The following KCNIP1 variants were observed in gnomAD, a reference collection of about 807,000 sequenced individuals.
The protein encoded by KCNIP1 is A-type potassium channel modulatory protein KCNIP1.
A neutral mutation model predicts 33.0 loss-of-function variants in KCNIP1; 18 were observed. The ratio of observed to expected loss-of-function variants is 0.55; its 90% confidence interval spans 0.38 to 0.81. The LOEUF (loss-of-function observed/expected upper bound fraction) is 0.81, where lower values mean the gene tolerates loss of function less well. KCNIP1 is among the 30% of genes least tolerant of loss of function. The pLI, the probability that KCNIP1 is intolerant of heterozygous loss-of-function variation, is 0.00. For synonymous variants in KCNIP1, 93 were observed against 98.3 expected (o/e 0.95, Z 0.32); for missense variants, 238 against 271.6 (o/e 0.88, Z 0.87).
chr5:170,712,771 G>A, intron 1 of KCNIP1: 1 of 1,309,788 alleles, frequency 7.6e-7, no homozygotes, highest in Non-Finnish European at 1.1e-6. Flanking sequence ...CACCCTCAGA[G>A]CGGCCTCTCT....
intron 1 of KCNIP1, among the ~76,000 whole-genome samples, chr5:170,644,459 G>T (rs1209281717): frequency 2.0e-5 from 3 of 152,236 alleles, no homozygotes; most frequent in Non-Finnish European, 4.4e-5. Flanking sequence ...CCTGGATTGA[G>T]GGGAGAAGGG....
chr5:170,698,622 T>C (rs530493439), intron 1 of KCNIP1, among the ~76,000 whole-genome samples: 3 of 150,974 alleles, frequency 2.0e-5, no homozygotes, highest in African/African-American at 7.3e-5. Context: ...CCACCCCCAA[T>C]ACTCCCAATT....
chr5:170,735,996 A>G lies in KCNIP1; in HGVS notation c.*190A>G. The G allele has an allele frequency of 1.8e-6, 1 of 565,020 alleles. No homozygotes were observed. The highest frequency in any genetic ancestry group is 3.1e-6 in the Non-Finnish European group (1 of 317,618). 35.0% of individuals were successfully genotyped at this position (565,020 alleles called of 1,614,324 possible). ...CATGTGGCTCAGTCTCTGATTGCCA[A>G]CTCTTCCTCTTTCTTCTTCTTGAGA... On this transcript the variant is annotated 3_prime_UTR_variant, in exon 8 of 8. Coordinates refer to ENST00000328939, the MANE Select transcript of KCNIP1 (RefSeq NM_014592.4).
chr5:170,358,668 C>G (rs1763413754), intron 1 of KCNIP1, among the ~76,000 whole-genome samples: 2 of 152,242 alleles, frequency 1.3e-5, no homozygotes, highest in African/African-American at 2.4e-5. Context: ...ACAGGCAAAT[C>G]CCAACTCTGC....
chr5:170,473,520 G>A (rs10072291), intron 1 of KCNIP1, among the ~76,000 whole-genome samples: 143 of 152,284 alleles, frequency 9.4e-4, no homozygotes, highest in African/African-American at 3.2e-3. Context: ...TCACCCCTGA[G>A]AAATCAGGGA....
intron 1 of KCNIP1, among the ~76,000 whole-genome samples, chr5:170,366,588 A>G (rs1441875231): frequency 6.6e-6 from 1 of 152,246 alleles, no homozygotes; most frequent in African/African-American, 2.4e-5. Flanking sequence ...GAAGGTGGCC[A>G]GTATGTGACT....
intron 1 of KCNIP1, among the ~76,000 whole-genome samples, chr5:170,688,796 G>A (rs1436427958): frequency 6.6e-6 from 1 of 152,138 alleles, no homozygotes; most frequent in African/African-American, 2.4e-5. Context: ...CTAAATTCTG[G>A]GACTATCTGG....
intron 1 of KCNIP1, among the ~76,000 whole-genome samples, chr5:170,431,686 A>G (rs1449715709): frequency 6.6e-6 from 1 of 152,220 alleles, no homozygotes; most frequent in Admixed American, 6.5e-5. Flanking sequence ...GGGCCCTGGA[A>G]GACAGAGGTT....
intron 1 of KCNIP1, among the ~76,000 whole-genome samples, chr5:170,540,374 G>T (rs1365051099): frequency 1.3e-5 from 2 of 152,212 alleles, no homozygotes; most frequent in Non-Finnish European, 2.9e-5. Flanking sequence ...CAGGCTGCTA[G>T]AGCCCAGCAT....
intron 1 of KCNIP1, among the ~76,000 whole-genome samples, chr5:170,433,869 C>A (rs920067492): frequency 6.6e-6 from 1 of 152,172 alleles, no homozygotes; most frequent in Non-Finnish European, 1.5e-5. Flanking sequence ...CACAGCTCAT[C>A]GGGGCAGTGG....
At chr5:170,571,563 A>G (rs1757409291) in intron 1 of KCNIP1, among the ~76,000 whole-genome samples, 2 of 152,178 alleles carry the variant, frequency 1.3e-5, no homozygotes, top group South Asian at 2.1e-4. Context: ...CTTTTCTGCT[A>G]TGACGGCACC....
intron 1 of KCNIP1, among the ~76,000 whole-genome samples, chr5:170,641,862 G>A (rs1421139114): frequency 1.3e-5 from 2 of 152,110 alleles, no homozygotes; most frequent in South Asian, 2.1e-4. Context: ...CCGGGACCTC[G>A]CTAGTCCTGC....
intron 1 of KCNIP1, among the ~76,000 whole-genome samples, chr5:170,450,683 A>G (rs1471426896): frequency 6.6e-6 from 1 of 151,992 alleles, no homozygotes; most frequent in African/African-American, 2.4e-5. Context: ...AGTTGCTCCG[A>G]CCACCTCCGC....
At chr5:170,683,204 G>T (rs987221576) in intron 1 of KCNIP1, among the ~76,000 whole-genome samples, 1 of 152,156 alleles carries the variant, frequency 6.6e-6, no homozygotes, top group Non-Finnish European at 1.5e-5. Context: ...CCTACAATGT[G>T]CCAGGTACAG....
intron 1 of KCNIP1, among the ~76,000 whole-genome samples, chr5:170,595,663 A>C (rs1414741392): frequency 6.6e-6 from 1 of 152,228 alleles, no homozygotes; most frequent in Non-Finnish European, 1.5e-5. Context: ...TAGCTCATTC[A>C]ATCTTTCTAA....
At chr5:170,443,115 T>A (rs1409575630) in intron 1 of KCNIP1, among the ~76,000 whole-genome samples, 5 of 152,084 alleles carry the variant, frequency 3.3e-5, no homozygotes, top group Non-Finnish European at 7.4e-5. Context: ...AAGCAGGGGT[T>A]CCATGGTAGG....
chr5:170,428,680 A>G (rs147829123), intron 1 of KCNIP1, among the ~76,000 whole-genome samples: 2 of 152,104 alleles, frequency 1.3e-5, no homozygotes, highest in Non-Finnish European at 2.9e-5. Context: ...AACCACCTAC[A>G]CTAAAGCCAA....
chr5:170,733,173 G>A (rs553373936), intron 6 of KCNIP1, among the ~76,000 whole-genome samples: 8 of 152,180 alleles, frequency 5.3e-5, no homozygotes, highest in Admixed American at 6.5e-5. Context: ...GGGTAAACAC[G>A]AAAGACTTCA....
chr5:170,702,100 C>A (rs1462603132), intron 1 of KCNIP1, among the ~76,000 whole-genome samples: 1 of 152,250 alleles, frequency 6.6e-6, no homozygotes, highest in African/African-American at 2.4e-5. Context: ...TGACCCATGT[C>A]TCTCCAGTCC....
Sources: allele counts gnomAD v4.1 joint callset (sites outside exome capture counted in the v4.1 genomes callset), GRCh38; gene constraint gnomAD v4.1.1; transcripts MANE v1.5; gene names NCBI Gene and HGNC (gene_info 2026-07-23, HGNC 2026-07-21).